The following LRRC42 variants were observed in gnomAD, a reference collection of about 807,000 sequenced individuals.
LRRC42 encodes leucine rich repeat containing 42.
A neutral mutation model predicts 44.3 loss-of-function variants in LRRC42; 43 were observed. That is an observed-to-expected ratio of 0.97 (90% CI 0.76 to 1.25). The LOEUF (loss-of-function observed/expected upper bound fraction) is 1.25, where lower values mean the gene tolerates loss of function less well. LRRC42 is among the 50% of genes most tolerant of loss of function. The pLI is 0.00. For synonymous variants in LRRC42, 207 were observed against 195.2 expected, an observed-to-expected ratio of 1.06 and a Z score of -0.50; for missense variants, 540 against 509.1, an observed-to-expected ratio of 1.06 and a Z score of -0.58.
intron 3 of LRRC42, 152 bp from the exon 4 acceptor site, chr1:53,957,997 C>A (rs988558292): frequency 6.2e-6 from 5 of 804,624 alleles, no homozygotes; most frequent in Non-Finnish European, 6.8e-6. Context: ...AAAAATTCAG[C>A]CTTTGCCCTG....
intron 8 of LRRC42, 54 bp downstream of exon 8, chr1:53,966,434 G>A: frequency 7.9e-7 from 1 of 1,265,928 alleles, no homozygotes. Flanking sequence ...CATCCTTAAA[G>A]CAGTTCGCTT....
intron 7 of LRRC42, among the ~76,000 whole-genome samples, chr1:53,963,949 C>CT (rs200002300): frequency 2.0e-5 from 2 of 100,598 alleles, no homozygotes; most frequent in Non-Finnish European, 3.6e-5. Context: ...TCCTGCCCAC[C>CT]CCCCCCCCAT....
At chr1:53,959,774 T>G (rs1654944732) in intron 4 of LRRC42, among the ~76,000 whole-genome samples, 1 of 152,224 alleles carries the variant, frequency 6.6e-6, no homozygotes, top group African/African-American at 2.4e-5. Flanking sequence ...GAAAAGCAGC[T>G]TTTGTTTTAA....
intron 7 of LRRC42, among the ~76,000 whole-genome samples, chr1:53,964,740 T>C (rs959532009): frequency 2.6e-5 from 4 of 152,208 alleles, no homozygotes; most frequent in African/African-American, 9.7e-5. Context: ...AAAACAGCCC[T>C]ATGGAATGTG....
At position 53,958,094 on chromosome 1, in the gene LRRC42, G is replaced by A. The variant is rs188636583; in HGVS notation, c.474-55G>A. 4.4e-6 allele frequency: 7 copies of A among 1,604,060 alleles called. No individual in the cohort carries two copies. The African/African-American group carries it at 8.0e-5, about 18-fold the overall frequency. ...TGACTATGATACAAATCCACAAATG[G>A]TAATGCTTTAAGAGTAGTGAGGGGA... On this transcript the variant is annotated intron_variant, in intron 3 of 8. Coordinates refer to ENST00000371370, the MANE Select transcript of LRRC42 (RefSeq NM_001256409.2).
intron 2 of LRRC42, among the ~76,000 whole-genome samples, chr1:53,950,862 G>A (rs1654655929): frequency 6.6e-6 from 1 of 152,194 alleles, no homozygotes; most frequent in Admixed American, 6.5e-5. Flanking sequence ...TAGATACGAA[G>A]TTTCCAAAGG....
intron 7 of LRRC42, 96 bp from the exon 8 acceptor site, chr1:53,966,200 T>C: frequency 1.1e-6 from 1 of 909,070 alleles, no homozygotes; most frequent in East Asian, 2.5e-5. Context: ...CAGAGGGGTT[T>C]GTGTTTATGG....
At chr1:53,961,701 A>G (rs948853771) in intron 5 of LRRC42, among the ~76,000 whole-genome samples, 1 of 152,246 alleles carries the variant, frequency 6.6e-6, no homozygotes, top group Non-Finnish European at 1.5e-5. Flanking sequence ...TGAATAAAGT[A>G]TGATAAACCA....
In LRRC42 at chr1:53,951,975, T is replaced by C; in HGVS notation, c.-14-11T>C. 6.3e-7 allele frequency: 1 copy of C among 1,593,030 alleles called. No homozygotes were observed. The highest frequency in any genetic ancestry group is 8.6e-7 in the Non-Finnish European group (1 of 1,166,246). ...TAATTGGATTTGCTTCCCTGTGCCT[T>C]GCTTTTACAGTTGCAACCAAGGCAA... On this transcript the variant is annotated splice_polypyrimidine_tract_variant and intron_variant, in intron 2 of 8. Coordinates refer to ENST00000371370, the MANE Select transcript of LRRC42 (RefSeq NM_001256409.2).
At position 53,958,270 on chromosome 1, in the gene LRRC42, G is replaced by C. The variant is rs1569837002; in HGVS notation, c.595G>C (p.Ala199Pro). 6.2e-7 allele frequency: 1 copy of C among 1,613,484 alleles called. No homozygotes were observed. Among genetic ancestry groups the C allele is most frequent in the South Asian group, 1.1e-5 (1 of 91,062 alleles). The change falls in exon 4 of 9, where the codon GCC (alanine) becomes CCC (proline). Residue 199 changes from alanine to proline, a missense_variant. Coordinates refer to ENST00000371370, the MANE Select transcript of LRRC42 (RefSeq NM_001256409.2). Reference sequence around the variant, plus strand: ...ACTTCTAGAACATCTCACCAATGAAGCCCTGTCTAGGTACTGACCTGTCAC... The same window carrying C: ...ACTTCTAGAACATCTCACCAATGAACCCCTGTCTAGGTACTGACCTGTCAC... ...HELLEHLTNE[A>P]LSSVTQLHLK...
rs1270064363 is a variant in LRRC42, at chr1:53,946,562, C to A, written c.-49+13C>A. On this transcript the variant is annotated intron_variant, in intron 1 of 8. Transcript: ENST00000371370. ...GGCAGGGGCACAGGTAGGTGGCGGC[C>A]GCGGGCCGGGCCGCTCGCGGGGCCC... 2.0e-5 allele frequency: 3 copies of A among 148,738 alleles called. No individual in the cohort carries two copies. Among genetic ancestry groups the A allele is most frequent in the Non-Finnish European group, 4.5e-5 (3 of 66,750 alleles). 9.2% of individuals were successfully genotyped at this position (148,738 alleles called of 1,614,324 possible). A position where few individuals can be genotyped will look rare whatever the true frequency, so the allele number is the denominator to read the frequency against.
rs537830171 is a variant in LRRC42 at position 53,956,476 on chromosome 1, C to A, written c.474-1673C>A. On this transcript the variant is annotated intron_variant, in intron 3 of 8. Coordinates refer to ENST00000371370, the MANE Select transcript of LRRC42 (RefSeq NM_001256409.2). The stretch of plus-strand genomic sequence containing the variant: ...AATCATCCTGAAAAGAATTTTGTAG[C>A]CCCATTTTGTAGCTGGAGAAATTGA... Among the ~76,000 whole-genome samples, 10 of 152,274 alleles carry A rather than the reference C, an allele frequency of 6.6e-5. No homozygotes were observed. In the East Asian group the frequency reaches 1.9e-3, roughly 29 times the overall value.
In LRRC42 at chr1:53,966,355, G is replaced by C; in HGVS notation, c.987G>C (p.Glu329Asp). Residue 329 changes from glutamate (E) to aspartate (D), a missense_variant, in exon 8 of 9, where the codon GAG (glutamate) becomes GAC (aspartate). Physicochemically the swap from Glu to Asp is conservative, Grantham distance 45. Coordinates refer to ENST00000371370, the MANE Select transcript of LRRC42 (RefSeq NM_001256409.2). Reference protein sequence around the residue: ...AEAVKPRETSEPRAAAQRFYG... With the variant: ...AEAVKPRETSDPRAAAQRFYG... ...CTGTGAAGCCACGGGAGACCTCGGA[G>C]CCTAGAGCAGCAGCTCAGCGCTTCT... 1 of 1,613,800 alleles carries C rather than the reference G, an allele frequency of 6.2e-7. No homozygotes were observed. The highest frequency in any genetic ancestry group is 8.5e-7 in the Non-Finnish European group (1 of 1,179,674).
At position 53,966,297 on chromosome 1, in the gene LRRC42, T is replaced by G. The variant is rs1178959490; in HGVS notation, c.929T>G (p.Ile310Ser). The change falls in exon 8 of 9, where the codon ATC (isoleucine) becomes AGC (serine). Residue 310 changes from isoleucine to serine, a missense_variant and splice_region_variant. Transcript: ENST00000371370. ...NCKTEGWADQ[I>S]VLQWERVTAE... ...CAAATCTTTCCAAATATGTTTCAGATCGTTCTGCAGTGGGAGCGTGTGACT... is the reference window on the plus strand; with the variant it reads ...CAAATCTTTCCAAATATGTTTCAGAGCGTTCTGCAGTGGGAGCGTGTGACT... 6.2e-7 allele frequency: 1 copy of G among 1,611,100 alleles called. No homozygotes were observed. The highest frequency in any genetic ancestry group is 1.1e-5 in the South Asian group (1 of 91,008).
intron 3 of LRRC42, among the ~76,000 whole-genome samples, chr1:53,953,204 C>A (rs889934306): frequency 6.6e-6 from 1 of 152,190 alleles, no homozygotes; most frequent in East Asian, 1.9e-4. Flanking sequence ...ATGCTGTTAC[C>A]AGTTTTTAAA....
chr1:53,952,245 T>C lies in LRRC42; in HGVS notation c.246T>C (p.Leu82=). 6.2e-7 allele frequency: 1 copy of C among 1,614,238 alleles called. No homozygotes were observed. Among genetic ancestry groups the C allele is most frequent in the Non-Finnish European group, 8.5e-7 (1 of 1,180,042 alleles). The change falls in exon 3 of 9, where the codon CTT becomes CTC. Residue 82 remains leucine (L), a synonymous_variant. Transcript: ENST00000371370. ...FIFTYTREGN[L]RYSAKSLFSL... is the part of the protein sequence containing the mutation. The stretch of plus-strand genomic sequence containing the variant: ...TCACATACACCCGAGAGGGGAATCT[T>C]CGGTACTCCGCCAAATCCCTCTTCA...
intron 8 of LRRC42, among the ~76,000 whole-genome samples, chr1:53,967,231 A>G (rs528289129): frequency 6.6e-6 from 1 of 152,336 alleles, no homozygotes; most frequent in Non-Finnish European, 1.5e-5. Context: ...ATCATTTGCT[A>G]TTTGGCTCTT....
At chr1:53,952,528 G>C (rs1037137595) in intron 3 of LRRC42, 56 bp downstream of exon 3, 41 of 1,452,788 alleles carry the variant, frequency 2.8e-5, no homozygotes, top group Non-Finnish European at 3.6e-5. Context: ...ATTCTGTCAA[G>C]CTCTGGGGCT....
At chr1:53,966,556 A>G (rs1655133105) in intron 8 of LRRC42, among the ~76,000 whole-genome samples, 176 bp downstream of exon 8, 2 of 152,220 alleles carry the variant, frequency 1.3e-5, no homozygotes, top group South Asian at 4.1e-4. Context: ...AGCTTTGAGC[A>G]CCAGCACCAG....
Sources: allele counts gnomAD v4.1 joint callset (sites outside exome capture counted in the v4.1 genomes callset), GRCh38; gene constraint gnomAD v4.1.1; transcripts MANE v1.5; gene names NCBI Gene and HGNC (gene_info 2026-07-23, HGNC 2026-07-21).